CTNNA3: variants seen among roughly 807,000 people sequenced by gnomAD.
The protein encoded by CTNNA3 is catenin alpha-3.
A neutral mutation model predicts 95.7 loss-of-function variants in CTNNA3; 76 were observed. The ratio of observed to expected loss-of-function variants is 0.79; its 90% CI spans 0.66 to 0.96. CTNNA3 has a LOEUF of 0.96. Among genes scored for constraint, CTNNA3 ranks in the 40% least tolerant of loss-of-function variants. The pLI is 0.00. For synonymous variants in CTNNA3, 431 were observed against 374.4 expected, an observed-to-expected ratio of 1.15 and a Z score of -1.74; for missense variants, 1,191 against 1,089.8, an observed-to-expected ratio of 1.09 and a Z score of -1.31.
At chr10:66,107,706 AC>A (rs2081962811) in intron 13 of CTNNA3, among the ~76,000 whole-genome samples, 1 of 152,112 alleles carries the variant, frequency 6.6e-6, no homozygotes, top group Non-Finnish European at 1.5e-5. Flanking sequence ...CCCTAATGAA[AC>A]AGGTGGCATT....
chr10:66,182,476 C>T (rs1400186757), intron 13 of CTNNA3, among the ~76,000 whole-genome samples: 3 of 152,106 alleles, frequency 2.0e-5, no homozygotes, highest in Admixed American at 6.5e-5. Flanking sequence ...AGGATGGTCT[C>T]GATCTCCTGA....
intron 13 of CTNNA3, among the ~76,000 whole-genome samples, chr10:66,158,867 T>C (rs1451946981): frequency 6.6e-6 from 1 of 152,002 alleles, no homozygotes; most frequent in Non-Finnish European, 1.5e-5. Context: ...TTTTGACTCC[T>C]TGGTTAGGTA....
chr10:66,163,365 A>C (rs1044523146), intron 13 of CTNNA3, among the ~76,000 whole-genome samples: 1 of 152,080 alleles, frequency 6.6e-6, no homozygotes, highest in African/African-American at 2.4e-5. Context: ...TAGGGGACCC[A>C]GTGAGCTCCC....
chr10:66,682,346 G>A (rs2132504979), intron 9 of CTNNA3, among the ~76,000 whole-genome samples: 1 of 151,954 alleles, frequency 6.6e-6, no homozygotes, highest in African/African-American at 2.4e-5. Flanking sequence ...AAGAATTAAA[G>A]GTAAAAATTA....
At chr10:65,969,588 G>A (rs936009590) in intron 16 of CTNNA3, among the ~76,000 whole-genome samples, 7 of 152,122 alleles carry the variant, frequency 4.6e-5, no homozygotes, top group African/African-American at 1.4e-4. Context: ...ATCAATCAGA[G>A]ATTCTGGAAT....
intron 7 of CTNNA3, among the ~76,000 whole-genome samples, chr10:66,912,000 A>G (rs1046529010): frequency 6.6e-6 from 1 of 152,160 alleles, no homozygotes; most frequent in Non-Finnish European, 1.5e-5. Context: ...AATCAAAAAT[A>G]TTTTCATGAC....
intron 1 of CTNNA3, among the ~76,000 whole-genome samples, chr10:67,703,359 T>C (rs1841056738): frequency 1.3e-5 from 2 of 152,068 alleles, no homozygotes; most frequent in Admixed American, 6.5e-5. Context: ...TGATGAACAT[T>C]GATGCAAAAA....
intron 7 of CTNNA3, among the ~76,000 whole-genome samples, chr10:67,166,276 C>T (rs1253234706): frequency 6.6e-6 from 1 of 152,114 alleles, no homozygotes; most frequent in African/African-American, 2.4e-5. Context: ...ATGCAATTAC[C>T]AATATCATTA....
At chr10:66,166,775 T>C (rs1038988416) in intron 13 of CTNNA3, among the ~76,000 whole-genome samples, 2 of 152,008 alleles carry the variant, frequency 1.3e-5, no homozygotes, top group Non-Finnish European at 2.9e-5. Flanking sequence ...TAGGATTAAA[T>C]TGAAGGGGTG....
In CTNNA3 at chr10:67,232,166, C is replaced by A. The variant is rs1291088071; in HGVS notation, c.580-12296G>T. Among the ~76,000 whole-genome samples, 32 of 152,152 alleles carry A rather than the reference C, an allele frequency of 2.1e-4. No individual in the cohort carries two copies. In the South Asian group the frequency reaches 2.5e-3, roughly 12 times the overall value. ...GATTCAGGAAATACAGAGAACGCCA[C>A]AAAGACACTCCTCGAGAAGAGCAAC... On this transcript the variant is annotated intron_variant, in intron 5 of 17. Coordinates refer to ENST00000433211, the MANE Select transcript of CTNNA3 (RefSeq NM_013266.4).
chr10:66,128,393 G>C (rs958777801), intron 13 of CTNNA3, among the ~76,000 whole-genome samples: 1 of 152,026 alleles, frequency 6.6e-6, no homozygotes, highest in Non-Finnish European at 1.5e-5. Context: ...AAGGAACCAA[G>C]ATCTCCTTTG....
intron 10 of CTNNA3, among the ~76,000 whole-genome samples, chr10:66,593,110 T>C (rs908695008): frequency 1.3e-5 from 2 of 152,150 alleles, no homozygotes; most frequent in African/African-American, 4.8e-5. Flanking sequence ...ATTTTCAATG[T>C]GTGGGGCTTT....
intron 15 of CTNNA3, among the ~76,000 whole-genome samples, chr10:66,023,025 G>C (rs1029406596): frequency 1.3e-5 from 2 of 152,074 alleles, no homozygotes; most frequent in Non-Finnish European, 2.9e-5. Context: ...TTATTTTATT[G>C]TTGTTTTAAA....
chr10:66,217,344 C>T (rs2088616093), intron 13 of CTNNA3, among the ~76,000 whole-genome samples: 1 of 123,536 alleles, frequency 8.1e-6, no homozygotes, highest in African/African-American at 3.1e-5. Flanking sequence ...CAGAGCGAGA[C>T]TCTATCTCAA....
At chr10:65,984,340 G>A (rs1265033220) in intron 16 of CTNNA3, among the ~76,000 whole-genome samples, 1 of 151,150 alleles carries the variant, frequency 6.6e-6, no homozygotes, top group African/African-American at 2.4e-5. Flanking sequence ...CACATTCAAA[G>A]ACAACCTCCC....
chr10:66,799,643 T>C (rs1304272909), intron 7 of CTNNA3, among the ~76,000 whole-genome samples: 1 of 151,260 alleles, frequency 6.6e-6, no homozygotes, highest in Non-Finnish European at 1.5e-5. Flanking sequence ...TAACACAAGT[T>C]TAATAAGAAT....
At chr10:66,353,485 AT>A (rs1361290800) in intron 12 of CTNNA3, among the ~76,000 whole-genome samples, 3 of 152,074 alleles carry the variant, frequency 2.0e-5, no homozygotes, top group Admixed American at 6.6e-5. Flanking sequence ...TTGTTTTTGT[AT>A]TTTTCATATC....
intron 15 of CTNNA3, among the ~76,000 whole-genome samples, chr10:66,023,088 G>A (rs1301427141): frequency 1.3e-5 from 1 of 78,834 alleles, no homozygotes; most frequent in Non-Finnish European, 2.8e-5. Flanking sequence ...CCAAGTCAAA[G>A]TTTTTAAACC....
intron 5 of CTNNA3, among the ~76,000 whole-genome samples, chr10:67,245,675 T>C (rs1041077516): frequency 3.3e-5 from 5 of 151,958 alleles, no homozygotes; most frequent in Non-Finnish European, 5.9e-5. Flanking sequence ...CTGGCCAACA[T>C]TGTGAAACCC....
Sources: allele counts gnomAD v4.1 joint callset (sites outside exome capture counted in the v4.1 genomes callset), GRCh38; gene constraint gnomAD v4.1.1; transcripts MANE v1.5; gene names NCBI Gene and HGNC (gene_info 2026-07-23, HGNC 2026-07-21).